The following BABAM2 variants were observed in gnomAD, a reference collection of about 807,000 sequenced individuals.
BABAM2 encodes the protein BRISC and BRCA1 A complex member 2.
In BABAM2, 31 loss-of-function variants were observed where a neutral mutation model predicts 54.7. The observed-to-expected ratio is 0.57, with a 90% CI of 0.43 to 0.77. The LOEUF (loss-of-function observed/expected upper bound fraction) is 0.77. Among genes scored for constraint, BABAM2 ranks in the 30% least tolerant of loss-of-function variants. The pLI is 0.00. For synonymous variants in BABAM2, 167 were observed against 162.9 expected (o/e 1.03, Z -0.19); for missense variants, 364 against 455.8 (o/e 0.80, Z 1.83).
intron 11 of BABAM2, chr2:28,310,336 C>A: frequency 1.7e-6 from 1 of 574,496 alleles, no homozygotes; most frequent in Non-Finnish European, 3.0e-6. Flanking sequence ...CAGCCCAGCT[C>A]AGTCTCCTGG....
intron 10 of BABAM2, among the ~76,000 whole-genome samples, chr2:28,276,086 A>G (rs943047318): frequency 6.6e-6 from 1 of 152,172 alleles, no homozygotes; most frequent in African/African-American, 2.4e-5. Context: ...AAATAGTACA[A>G]TTTAGCTGAG....
At chr2:27,901,392 C>T (rs1254197838) in intron 2 of BABAM2, among the ~76,000 whole-genome samples, 1 of 152,202 alleles carries the variant, frequency 6.6e-6, no homozygotes, top group African/African-American at 2.4e-5. Flanking sequence ...CTTTTTTCAG[C>T]ATATTGCAGT....
At chr2:28,090,810 G>C (rs1296751395) in intron 6 of BABAM2, among the ~76,000 whole-genome samples, 2 of 152,128 alleles carry the variant, frequency 1.3e-5, no homozygotes, top group Non-Finnish European at 2.9e-5. Context: ...AGAGGACAAG[G>C]GTTCAAGTTC....
intron 7 of BABAM2, among the ~76,000 whole-genome samples, chr2:28,230,000 A>G (rs946043490): frequency 2.0e-5 from 3 of 152,216 alleles, no homozygotes; most frequent in Non-Finnish European, 4.4e-5. Context: ...GTGCTTAATC[A>G]TAGTTGTCAT....
chr2:28,093,470 G>C (rs1169623003), intron 6 of BABAM2, among the ~76,000 whole-genome samples: 1 of 151,890 alleles, frequency 6.6e-6, no homozygotes, highest in African/African-American at 2.4e-5. Flanking sequence ...GCCTTTTTTG[G>C]GTGAAGACAG....
chr2:27,918,794 T>C (rs1326435379), intron 2 of BABAM2, among the ~76,000 whole-genome samples: 21 of 152,216 alleles, frequency 1.4e-4, no homozygotes, highest in Non-Finnish European at 5.9e-5. Context: ...GCTCAGGCGA[T>C]CCTCCCACCT....
At chr2:28,135,274 A>T (rs1290266978) in intron 7 of BABAM2, among the ~76,000 whole-genome samples, 1 of 152,228 alleles carries the variant, frequency 6.6e-6, no homozygotes, top group African/African-American at 2.4e-5. Context: ...CAGTACTTTA[A>T]AATATTCAAA....
At chr2:27,902,219 G>A (rs1014061146) in intron 2 of BABAM2, among the ~76,000 whole-genome samples, 7 of 152,120 alleles carry the variant, frequency 4.6e-5, no homozygotes, top group African/African-American at 1.7e-4. Context: ...CCCATTAGTG[G>A]TTGTAAAATC....
chr2:28,026,939 A>T lies in BABAM2; in HGVS notation c.495+1519A>T, dbSNP rs368390236. On this transcript the variant is annotated intron_variant, in intron 5 of 11. Transcript: ENST00000379624. ...ATTAATATATATAAATATATATATA[A>T]ATATATATTAATATATATAAATATA... Among the ~76,000 whole-genome samples the T allele has an allele frequency of 5.2e-3, 62 of 11,858 alleles. 2 individuals are homozygous for T. Among genetic ancestry groups the T allele is most frequent in the South Asian group, 0.033 (2 of 60 alleles). 7.8% of individuals were successfully genotyped at this position (11,858 alleles called of 152,430 possible).
intron 7 of BABAM2, chr2:28,233,216 G>C (rs1025835607): frequency 2.5e-5 from 12 of 471,578 alleles, no homozygotes; most frequent in South Asian, 1.5e-4. Context: ...GGGATCAGAA[G>C]TATCAGTGCC....
chr2:27,997,165 C>T (rs896188656), intron 4 of BABAM2, among the ~76,000 whole-genome samples: 7 of 152,094 alleles, frequency 4.6e-5, no homozygotes, highest in African/African-American at 1.4e-4. Flanking sequence ...GATAACTGTA[C>T]TTCTTCCTTT....
At chr2:28,151,411 A>AG (rs1010991449) in intron 7 of BABAM2, among the ~76,000 whole-genome samples, 56 of 152,226 alleles carry the variant, frequency 3.7e-4, no homozygotes, top group African/African-American at 1.3e-3. Flanking sequence ...CTCTACTAAA[A>AG]ATACAAAAAA....
chr2:28,246,050 C>T (rs1036103005), intron 10 of BABAM2, among the ~76,000 whole-genome samples: 2 of 152,140 alleles, frequency 1.3e-5, no homozygotes, highest in African/African-American at 4.8e-5. Flanking sequence ...CGAGCGCAGG[C>T]CACAGTTTTA....
chr2:28,061,865 AT>A (rs1678903769), intron 6 of BABAM2, among the ~76,000 whole-genome samples: 1 of 152,220 alleles, frequency 6.6e-6, no homozygotes, highest in East Asian at 1.9e-4. Flanking sequence ...CATGATTCTC[AT>A]TACTTGTAAA....
At chr2:28,216,497 TC>T (rs1400705978) in intron 7 of BABAM2, among the ~76,000 whole-genome samples, 2 of 152,136 alleles carry the variant, frequency 1.3e-5, no homozygotes, top group Admixed American at 1.3e-4. Flanking sequence ...ATGAAAACCA[TC>T]TAATTAGAGT....
intron 5 of BABAM2, 146 bp from the exon 6 acceptor site, chr2:28,045,579 C>T (rs923135927): frequency 7.7e-6 from 4 of 520,038 alleles, no homozygotes; most frequent in African/African-American, 5.8e-5. Flanking sequence ...CCTACTTTTC[C>T]AACCTTCTTT....
intron 11 of BABAM2, among the ~76,000 whole-genome samples, chr2:28,328,820 C>G (rs565677817): frequency 9.2e-5 from 14 of 152,210 alleles, no homozygotes; most frequent in Non-Finnish European, 1.6e-4. Context: ...TGAGCACCAC[C>G]TTTGCAAAGC....
chr2:27,908,887 C>T (rs1666382687), intron 2 of BABAM2, among the ~76,000 whole-genome samples: 1 of 152,132 alleles, frequency 6.6e-6, no homozygotes, highest in Non-Finnish European at 1.5e-5. Context: ...TCTCCACATC[C>T]TCCTCAACAC....
At chr2:27,912,318 A>T (rs1334606571) in intron 2 of BABAM2, among the ~76,000 whole-genome samples, 1 of 152,060 alleles carries the variant, frequency 6.6e-6, no homozygotes, top group East Asian at 1.9e-4. Flanking sequence ...CTTAACTAAA[A>T]CTAGTGATAT....
Sources: gnomAD v4.1 joint callset for allele counts (sites outside exome capture counted in the v4.1 genomes callset) on GRCh38, gnomAD v4.1.1 for gene constraint, MANE v1.5 for transcripts, NCBI Gene and HGNC (gene_info 2026-07-23, HGNC 2026-07-21) for gene names.